PIEZO2: variants seen among roughly 807,000 people sequenced by gnomAD.
PIEZO2 encodes piezo type mechanosensitive ion channel component 2.
In PIEZO2, 172 loss-of-function variants were observed where a neutral mutation model predicts 337.3. The ratio of observed to expected loss-of-function variants is 0.51; its 90% CI spans 0.45 to 0.58. The LOEUF (loss-of-function observed/expected upper bound fraction) is 0.58. Ranked by LOEUF, PIEZO2 falls within the 20% of genes least tolerant of loss-of-function variation. The pLI, the probability that PIEZO2 is intolerant of heterozygous loss-of-function variation, is 0.00. For missense variants in PIEZO2, 3,028 were observed against 3,391.3 expected (o/e 0.89, Z 2.66); for synonymous variants, 1,251 against 1,228.5 (o/e 1.02, Z -0.38).
intron 1 of PIEZO2, among the ~76,000 whole-genome samples, chr18:11,133,979 G>A (rs1198991451): frequency 6.6e-6 from 1 of 152,104 alleles, no homozygotes; most frequent in Non-Finnish European, 1.5e-5. Flanking sequence ...GTTAGAGGGT[G>A]CAAGAGCCAG....
At chr18:10,701,650 G>T (rs72970101) in intron 43 of PIEZO2, among the ~76,000 whole-genome samples, 79 of 152,304 alleles carry the variant, frequency 5.2e-4, no homozygotes, top group Non-Finnish European at 9.0e-4. Context: ...AGTGTATCCG[G>T]CCTTAGAATA....
chr18:10,806,338 C>T (rs963013494), intron 8 of PIEZO2, among the ~76,000 whole-genome samples: 5 of 152,128 alleles, frequency 3.3e-5, no homozygotes, highest in Admixed American at 6.5e-5. Context: ...ACCTTGCAAC[C>T]GGGCTCCTGA....
At chr18:10,964,306 A>C (rs2033912010) in intron 3 of PIEZO2, among the ~76,000 whole-genome samples, 1 of 152,230 alleles carries the variant, frequency 6.6e-6, no homozygotes, top group African/African-American at 2.4e-5. Flanking sequence ...GCAATAAGAA[A>C]AAATAGGGAC....
At chr18:10,807,387 G>A (rs539972344) in intron 7 of PIEZO2, 113 bp from the exon 8 acceptor site, 16 of 928,638 alleles carry the variant, frequency 1.7e-5, no homozygotes, top group East Asian at 8.0e-5. Flanking sequence ...AGGTTGATCC[G>A]TTCTATTGTA....
rs73943071 is a variant in PIEZO2 at position 10,927,310 on chromosome 18, T to G, written c.287-16082A>C. 2.3e-3 allele frequency among the ~76,000 whole-genome samples: 352 copies of G among 152,332 alleles called. 1 individual carries two copies. The highest frequency in any genetic ancestry group is 7.6e-3 in the African/African-American group (314 of 41,584). On this transcript the variant is annotated intron_variant, in intron 3 of 55. Coordinates refer to ENST00000674853, the MANE Select transcript of PIEZO2 (RefSeq NM_001378183.1). ...GCTCAGCAAAGCCTCCGAGGAGGAC[T>G]CTGATTTACGCACAGAAATTTGAAA...
chr18:10,690,847 C>A (rs560799421), intron 48 of PIEZO2, among the ~76,000 whole-genome samples: 40 of 152,286 alleles, frequency 2.6e-4, no homozygotes, highest in African/African-American at 9.6e-4. Context: ...ACAAAAAATT[C>A]TAAGGATAAT....
rs6505601 is a variant in PIEZO2, at chr18:10,847,307, G to T, written c.917+8046C>A. On this transcript the variant is annotated intron_variant, in intron 7 of 55. Transcript: ENST00000674853. The surrounding 1 kb of genome is among the most constrained non-coding windows in gnomAD (Gnocchi z 5.7). The stretch of plus-strand genomic sequence containing the variant: ...AATGAGTCACTGAGTCTGGCTAACT[G>T]TGGGGAATTCTAGGTGCCCACAGAG... Among the ~76,000 whole-genome samples, 50,420 of 152,130 alleles carry T rather than the reference G, an allele frequency of 0.33. 9,276 individuals are homozygous for T. The highest frequency in any genetic ancestry group is 0.51 in the African/African-American group (21,328 of 41,480).
At chr18:10,782,382 T>C (rs1356263198) in intron 17 of PIEZO2, among the ~76,000 whole-genome samples, 1 of 95,094 alleles carries the variant, frequency 1.1e-5, no homozygotes, top group Admixed American at 1.6e-4. Flanking sequence ...TATAATATAT[T>C]ATAATTATAT....
intron 1 of PIEZO2, among the ~76,000 whole-genome samples, chr18:11,098,335 T>C (rs1258325496): frequency 6.6e-6 from 1 of 151,990 alleles, no homozygotes; most frequent in Non-Finnish European, 1.5e-5. Flanking sequence ...ATCTAGGTGG[T>C]AGAATTATGG....
intron 3 of PIEZO2, among the ~76,000 whole-genome samples, chr18:10,933,757 CAT>C (rs1011879798): frequency 1.3e-5 from 2 of 152,304 alleles, no homozygotes; most frequent in Non-Finnish European, 1.5e-5. Flanking sequence ...ATAATCCCCA[CAT>C]GTCAAGGTCA....
In PIEZO2 at chr18:11,110,304, T is replaced by C. The variant is rs1392506771; in HGVS notation, c.64+38221A>G. ...TTCTAATAAACATACACAGAAGATG[T>C]CTTAAAAGGTAAATCTCAATTCTGT... On this transcript the variant is annotated intron_variant, in intron 1 of 55. Coordinates refer to ENST00000674853, the MANE Select transcript of PIEZO2 (RefSeq NM_001378183.1). This position sits in a 1 kb window ranked among gnomAD's most constrained non-coding sequence, Gnocchi z 4.2. Among the ~76,000 whole-genome samples the C allele has an allele frequency of 2.6e-5, 4 of 152,208 alleles. No homozygotes were observed. The highest frequency in any genetic ancestry group is 5.9e-5 in the Non-Finnish European group (4 of 68,042).
At chr18:11,108,439 C>T (rs971123844) in intron 1 of PIEZO2, among the ~76,000 whole-genome samples, 22 of 145,492 alleles carry the variant, frequency 1.5e-4, no homozygotes, top group Non-Finnish European at 3.0e-4. Flanking sequence ...CACGGTGAAA[C>T]CTCGTCTCTA....
intron 2 of PIEZO2, among the ~76,000 whole-genome samples, chr18:11,064,515 GT>G (rs934248091): frequency 6.6e-5 from 10 of 152,306 alleles, no homozygotes; most frequent in African/African-American, 2.4e-4. Context: ...AGAGGATTAA[GT>G]TTTTTCCTTT....
chr18:10,762,596 A>G lies in PIEZO2; in HGVS notation c.3153T>C (p.Phe1051=). 6.5e-7 allele frequency: 1 copy of G among 1,537,360 alleles called. No homozygotes were observed. Among genetic ancestry groups the G allele is most frequent in the South Asian group, 1.2e-5 (1 of 83,986 alleles). The change falls in exon 23 of 56, where the codon TTT becomes TTC. Residue 1051 remains phenylalanine (F), a synonymous_variant. Coordinates refer to ENST00000674853, the MANE Select transcript of PIEZO2 (RefSeq NM_001378183.1). ...LPNENQTNIP[F]NELNKSLLYS... ...AGAGCAGAGACTTGTTCAACTCATTAAAGGGGATGTTTGTTTGATTTTCAT... is the reference window on the plus strand; with the variant it reads ...AGAGCAGAGACTTGTTCAACTCATTGAAGGGGATGTTTGTTTGATTTTCAT...
chr18:10,679,708 T>A (rs1174921756), intron 52 of PIEZO2, among the ~76,000 whole-genome samples: 5 of 152,196 alleles, frequency 3.3e-5, no homozygotes, highest in Non-Finnish European at 7.3e-5. Context: ...CAGTGAAATC[T>A]AAGATGCATG....
At chr18:10,758,805 T>A (rs1322408070) in intron 26 of PIEZO2, among the ~76,000 whole-genome samples, 15 of 152,242 alleles carry the variant, frequency 9.9e-5, no homozygotes, top group Non-Finnish European at 1.5e-4. Context: ...GGTGGTGGAC[T>A]GTGCTGGACA....
rs2037695741 is a variant in PIEZO2, at chr18:10,752,732, G to A, written c.4071C>T (p.Gly1357=). ...TCTTGATGGGTTTCAACAGCAAATC[G>A]CCCCCAAAGAGCAGGAAGTAGAAAC... ...VACFYFLLFG[G]DLLLKPIKSI... is the part of the protein sequence containing the mutation. Residue 1357 remains glycine, a synonymous_variant, in exon 28 of 56, where the codon GGC becomes GGT. Transcript: ENST00000674853. 5.2e-6 allele frequency: 8 copies of A among 1,537,152 alleles called. No homozygotes were observed. The highest frequency in any genetic ancestry group is 1.4e-5 in the African/African-American group (1 of 73,130).
Position 11,143,635 on chromosome 18 carries a change from A to ACTCTCTCTCTCT in PIEZO2, c.64+4889_64+4890insAGAGAGAGAGAG, listed in dbSNP as rs1568412810. 6.6e-5 allele frequency among the ~76,000 whole-genome samples: 5 copies of ACTCTCTCTCTCT among 75,940 alleles called. No individual in the cohort carries two copies. The highest frequency in any genetic ancestry group is 4.0e-4 in the African/African-American group (5 of 12,526). The allele number at this position is 75,940 out of a possible 152,430, so 49.8% of individuals were successfully genotyped here. On this transcript the variant is annotated intron_variant, in intron 1 of 55. Coordinates refer to ENST00000674853, the MANE Select transcript of PIEZO2 (RefSeq NM_001378183.1). This position sits in a 1 kb window ranked among gnomAD's most constrained non-coding sequence, Gnocchi z 4.9. Reference sequence around the variant, plus strand: ...CACACACACACACACACACACACACACACACTCTCTCTCTCTCTCTCTCTC... The same window carrying ACTCTCTCTCTCT: ...CACACACACACACACACACACACACACTCTCTCTCTCTCACACTCTCTCTCTCTCTCTCTCTC...
chr18:10,929,195 G>C lies in PIEZO2; in HGVS notation c.287-17967C>G, dbSNP rs768829522. ...AGCCATAGAAAACACTCTTGTTTAT[G>C]TGATGAGCTGGAGCACCTCAACTCA... On this transcript the variant is annotated intron_variant, in intron 3 of 55. Coordinates refer to ENST00000674853, the MANE Select transcript of PIEZO2 (RefSeq NM_001378183.1). The surrounding 1 kb of genome is among the most constrained non-coding windows in gnomAD (Gnocchi z 5.6). Among the ~76,000 whole-genome samples, 19 of 152,192 alleles carry C rather than the reference G, an allele frequency of 1.2e-4. No individual in the cohort carries two copies. Among genetic ancestry groups the C allele is most frequent in the Non-Finnish European group, 2.2e-4 (15 of 68,024 alleles).
Sources: gnomAD v4.1 joint callset for allele counts (sites outside exome capture counted in the v4.1 genomes callset) on GRCh38, gnomAD v4.1.1 for gene constraint, Gnocchi (gnomAD v3.1) non-coding constraint, MANE v1.5 for transcripts, NCBI Gene and HGNC (gene_info 2026-07-23, HGNC 2026-07-21) for gene names.